ZNF536: variants seen among roughly 807,000 people sequenced by gnomAD.
ZNF536 encodes the protein zinc finger protein 536.
A neutral mutation model predicts 84.5 loss-of-function variants in ZNF536; 13 were observed. The ratio of observed to expected loss-of-function variants is 0.15; its 90% confidence interval spans 0.10 to 0.24. The LOEUF (loss-of-function observed/expected upper bound fraction) is 0.24. Ranked by LOEUF, ZNF536 falls within the 10% of genes least tolerant of loss-of-function variation. The pLI, the probability that ZNF536 is intolerant of heterozygous loss-of-function variation, is 1.00. For synonymous variants in ZNF536, 811 were observed against 742.5 expected (o/e 1.09, Z -1.50); for missense variants, 1,536 against 1,747.5 (o/e 0.88, Z 2.16).
chr19:30,504,965 T>G (rs2055107338), intron 2 of ZNF536, among the ~76,000 whole-genome samples: 1 of 152,040 alleles, frequency 6.6e-6, no homozygotes, highest in African/African-American at 2.4e-5. Context: ...AAGAAAAAAT[T>G]CAAAAGTTGT....
At position 30,383,666 on chromosome 19, in the gene ZNF536, T is replaced by C. The variant is rs7247104; in HGVS notation, c.-3+11110T>C. ...CCTTCCTTTCTTTCTCTCTTTCTCT[T>C]TCTTTCTTCCTTTCTTCCTTCCTTT... On this transcript the variant is annotated intron_variant, in intron 1 of 4. Coordinates refer to ENST00000355537, the MANE Select transcript of ZNF536 (RefSeq NM_014717.3). 1.5e-3 allele frequency among the ~76,000 whole-genome samples: 43 copies of C among 28,102 alleles called. 3 individuals are homozygous for C. Among genetic ancestry groups the C allele is most frequent in the African/African-American group, 4.0e-3 (25 of 6,272 alleles). 18.4% of individuals were successfully genotyped at this position (28,102 alleles called of 152,430 possible).
chr19:30,556,665 T>C (rs910166118), intron 4 of ZNF536: 2 of 153,202 alleles, frequency 1.3e-5, no homozygotes, highest in African/African-American at 4.8e-5. Flanking sequence ...CGGCAAACAC[T>C]GGTGACATTT....
At chr19:30,284,856 T>C (rs2045574332) in intron 2 of ZNF536, among the ~76,000 whole-genome samples, 1 of 147,278 alleles carries the variant, frequency 6.8e-6, no homozygotes, top group African/African-American at 2.6e-5. Context: ...TAATTTTATG[T>C]TGTACTGAAT....
At chr19:30,356,323 G>T (rs1045840291) in intron 3 of ZNF536, among the ~76,000 whole-genome samples, 4 of 152,228 alleles carry the variant, frequency 2.6e-5, no homozygotes, top group Admixed American at 6.5e-5. Context: ...CCAGGCACTT[G>T]CAGGACTCTG....
chr19:30,257,186 C>T (rs2024956800), intron 1 of ZNF536, among the ~76,000 whole-genome samples: 1 of 152,196 alleles, frequency 6.6e-6, no homozygotes, highest in Admixed American at 6.5e-5. Context: ...CTAATGACTT[C>T]CACATATTTT....
Position 30,481,304 on chromosome 19 carries a change from A to G in ZNF536, c.2170+35572A>G, listed in dbSNP as rs1443558036. Among the ~76,000 whole-genome samples, 3 of 152,210 alleles carry G rather than the reference A, an allele frequency of 2.0e-5. 1 individual carries two copies. The highest frequency in any genetic ancestry group is 4.2e-4 in the South Asian group (2 of 4,818). On this transcript the variant is annotated intron_variant, in intron 2 of 4. Transcript: ENST00000355537. ...CGCATGAGTATGCTAGATGCCCACT[A>G]TCGTCTTTTCAAATCTCATCTCTCT...
At chr19:30,324,892 C>A (rs188331400) in intron 2 of ZNF536, among the ~76,000 whole-genome samples, 1 of 152,366 alleles carries the variant, frequency 6.6e-6, no homozygotes, top group East Asian at 1.9e-4. Flanking sequence ...AGCTGGCTCT[C>A]CCTAGGGCAC....
intron 2 of ZNF536, among the ~76,000 whole-genome samples, chr19:30,459,830 C>T (rs1197253904): frequency 1.3e-5 from 2 of 152,148 alleles, no homozygotes; most frequent in East Asian, 3.8e-4. Flanking sequence ...TGATGCTGTC[C>T]TAGGCAGGCA....
intron 1 of ZNF536, among the ~76,000 whole-genome samples, chr19:30,392,641 A>G (rs1009178960): frequency 4.6e-5 from 7 of 152,174 alleles, no homozygotes; most frequent in Non-Finnish European, 7.3e-5. Context: ...AGTACATCAG[A>G]TAACTGCTCT....
At chr19:30,283,569 A>G (rs1336957751) in intron 1 of ZNF536, among the ~76,000 whole-genome samples, 1 of 152,176 alleles carries the variant, frequency 6.6e-6, no homozygotes, top group Non-Finnish European at 1.5e-5. Flanking sequence ...GCAGATTCCC[A>G]TTCTGTATCC....
intron 2 of ZNF536, among the ~76,000 whole-genome samples, chr19:30,483,348 G>T (rs2054164604): frequency 6.6e-6 from 1 of 152,066 alleles, no homozygotes; most frequent in Non-Finnish European, 1.5e-5. Flanking sequence ...GTCCCAGCTG[G>T]GACCTTTTCC....
chr19:30,628,307 C>T (rs989743635), intron 1 of ZNF536, among the ~76,000 whole-genome samples: 24 of 152,234 alleles, frequency 1.6e-4, no homozygotes, highest in African/African-American at 5.5e-4. Context: ...ACCCCAGGAC[C>T]CTGTAGGCCT....
chr19:30,528,523 TA>T (rs1386226518), intron 2 of ZNF536, among the ~76,000 whole-genome samples: 2 of 152,188 alleles, frequency 1.3e-5, no homozygotes, highest in Non-Finnish European at 1.5e-5. Context: ...CCACAATGGC[TA>T]CCCCCAACAT....
rs758854495 is a variant in ZNF536, at chr19:30,548,422, G to T, written c.2803G>T (p.Asp935Tyr). 6.2e-7 allele frequency: 1 copy of T among 1,614,184 alleles called. No homozygotes were observed. The highest frequency in any genetic ancestry group is 8.5e-7 in the Non-Finnish European group (1 of 1,180,036). Reference sequence around the variant, plus strand: ...CCTCAGTTCCTTGAAGAAGGAGAAGGACATGAAGGACAAAGCCCTGGCTGA... The same window carrying T: ...CCTCAGTTCCTTGAAGAAGGAGAAGTACATGAAGGACAAAGCCCTGGCTGA... Reference protein sequence around the residue: ...FVLSSLKKEKDMKDKALADPP... With the variant: ...FVLSSLKKEKYMKDKALADPP... The change falls in exon 4 of 5, where the codon GAC becomes TAC. Residue 935 changes from aspartate (D) to tyrosine (Y), a missense_variant. By Grantham distance (160) the Asp-to-Tyr change is radical (BLOSUM62 -3). Transcript: ENST00000355537.
chr19:30,561,451 C>T (rs2046162911), downstream of ZNF536, among the ~76,000 whole-genome samples: 1 of 152,154 alleles, frequency 6.6e-6, no homozygotes, highest in Non-Finnish European at 1.5e-5. Context: ...CCTAAGACTT[C>T]CTTGGTGACC....
chr19:30,319,065 T>C (rs1771797325), intron 2 of ZNF536, among the ~76,000 whole-genome samples: 1 of 152,236 alleles, frequency 6.6e-6, no homozygotes, highest in Non-Finnish European at 1.5e-5. Context: ...ACTAATCCCT[T>C]CCCTGTCTGA....
At chr19:30,656,391 A>C (rs2049915803) in intron 1 of ZNF536, among the ~76,000 whole-genome samples, 1 of 152,214 alleles carries the variant, frequency 6.6e-6, no homozygotes, top group Non-Finnish European at 1.5e-5. Flanking sequence ...AATCACATTA[A>C]AACAATATGA....
At chr19:30,569,353 C>T (rs530494320) in intron 1 of ZNF536, among the ~76,000 whole-genome samples, 7 of 151,984 alleles carry the variant, frequency 4.6e-5, no homozygotes, top group Non-Finnish European at 8.8e-5. Flanking sequence ...GCTCTGCAGC[C>T]GTGTTCTTGG....
At chr19:30,313,803 A>G (rs1568324760) in intron 2 of ZNF536, among the ~76,000 whole-genome samples, 1 of 152,210 alleles carries the variant, frequency 6.6e-6, no homozygotes, top group Non-Finnish European at 1.5e-5. Context: ...AAAGTGGTGT[A>G]TGAAATTTGA....
Sources: gnomAD v4.1 joint callset for allele counts (sites outside exome capture counted in the v4.1 genomes callset) on GRCh38, gnomAD v4.1.1 for gene constraint, MANE v1.5 for transcripts, NCBI Gene and HGNC (gene_info 2026-07-23, HGNC 2026-07-21) for gene names.